CERT1: variants seen among roughly 807,000 people sequenced by gnomAD.
CERT1 encodes ceramide transporter 1.
A neutral mutation model predicts 87.9 loss-of-function variants in CERT1; 31 were observed. The observed-to-expected ratio is 0.35, with a 90% CI of 0.27 to 0.48. The LOEUF is 0.48. CERT1 is among the 20% of genes least tolerant of loss of function. The probability of loss-of-function intolerance (pLI) is 0.99; values close to 1 mark genes in which losing one functional copy is unlikely to be tolerated. For synonymous variants in CERT1, 289 were observed against 250.9 expected (o/e 1.15, Z -1.44); for missense variants, 487 against 758.0 (o/e 0.64, Z 4.20).
At chr5:75,438,653 A>G (rs564741255) in intron 3 of CERT1, among the ~76,000 whole-genome samples, 7 of 152,292 alleles carry the variant, frequency 4.6e-5, no homozygotes, top group Non-Finnish European at 7.4e-5. Context: ...AAAATTAATA[A>G]TCTGGAATTC....
At chr5:75,486,686 T>C (rs558003839) in intron 2 of CERT1, among the ~76,000 whole-genome samples, 12 of 152,172 alleles carry the variant, frequency 7.9e-5, no homozygotes, top group African/African-American at 2.6e-4. Flanking sequence ...AGCATGTCTA[T>C]ATGCCAATAA....
intron 2 of CERT1, among the ~76,000 whole-genome samples, chr5:75,471,198 T>C (rs1580817486): frequency 1.3e-5 from 2 of 152,286 alleles, no homozygotes; most frequent in African/African-American, 2.4e-5. Flanking sequence ...TTTGGTGATT[T>C]CGTCAGCTAT....
At chr5:75,381,734 G>A (rs1371173786) in intron 15 of CERT1, among the ~76,000 whole-genome samples, 2 of 151,960 alleles carry the variant, frequency 1.3e-5, no homozygotes, top group Non-Finnish European at 1.5e-5. Context: ...ACATTAGAAG[G>A]AAAGGTAAAC....
At chr5:75,392,649 C>G (rs1762072496) in intron 11 of CERT1, among the ~76,000 whole-genome samples, 1 of 152,090 alleles carries the variant, frequency 6.6e-6, no homozygotes, top group Non-Finnish European at 1.5e-5. Flanking sequence ...GCTCACTTTA[C>G]TGTTCAGTTA....
chr5:75,472,085 G>A (rs1416095214), intron 2 of CERT1, among the ~76,000 whole-genome samples: 1 of 152,124 alleles, frequency 6.6e-6, no homozygotes, highest in Admixed American at 6.5e-5. Flanking sequence ...TAGACACACA[G>A]ACCATTGTAA....
At chr5:75,511,942 T>TC, upstream of CERT1, 1 of 945,828 alleles carries the variant, frequency 1.1e-6, no homozygotes, top group African/African-American at 1.7e-5. Flanking sequence ...GGATCGCTTG[T>TC]CCCCTTGGGG....
intron 2 of CERT1, among the ~76,000 whole-genome samples, chr5:75,486,206 A>C (rs865916993): frequency 7.2e-5 from 11 of 152,178 alleles, no homozygotes; most frequent in African/African-American, 2.4e-4. Flanking sequence ...AACATACGCA[A>C]ATCTACGTGG....
At position 75,506,129 on chromosome 5, in the gene CERT1, AG is replaced by A; in HGVS notation, c.97-14del. On this transcript the variant is annotated splice_polypyrimidine_tract_variant and intron_variant, in intron 1 of 16. Transcript: ENST00000643780. ...TGTAGTTTGTCCACTGGGAGTGGGA[AG>A]GGGAAGGGAAGAGAGAAGAAAACAA... is the stretch of plus-strand genomic sequence containing the variant. The A allele has an allele frequency of 6.2e-7, 1 of 1,611,390 alleles. No homozygotes were observed. Among genetic ancestry groups the A allele is most frequent in the Non-Finnish European group, 8.5e-7 (1 of 1,178,374 alleles).
chr5:75,501,904 T>G (rs901801029), intron 2 of CERT1, among the ~76,000 whole-genome samples: 3 of 152,150 alleles, frequency 2.0e-5, no homozygotes, highest in Admixed American at 6.5e-5. Context: ...TATAGAGAGA[T>G]AGTCTTTGAG....
intron 16 of CERT1, 115 bp from the exon 17 acceptor site, chr5:75,379,588 C>CT (rs923151663): frequency 0.021 from 17,389 of 825,644 alleles, 3 homozygotes; most frequent in South Asian, 0.025. Flanking sequence ...CAATTAGCAT[C>CT]TTTTTTTTTT....
intron 2 of CERT1, among the ~76,000 whole-genome samples, chr5:75,496,012 G>C (rs1767047296): frequency 1.3e-5 from 2 of 151,988 alleles, no homozygotes. Flanking sequence ...CTTAACTGTA[G>C]ATAAATTTTT....
intron 2 of CERT1, among the ~76,000 whole-genome samples, chr5:75,496,384 T>G (rs915806927): frequency 2.6e-5 from 4 of 151,882 alleles, no homozygotes; most frequent in Non-Finnish European, 5.9e-5. Flanking sequence ...GATGGTAAAC[T>G]GGTACCGCCA....
At chr5:75,382,171 T>G in intron 14 of CERT1, 94 bp from the exon 15 acceptor site, 1 of 1,186,828 alleles carries the variant, frequency 8.4e-7, no homozygotes, top group Admixed American at 2.6e-5. Flanking sequence ...GAAGGTAAAA[T>G]CTCTCAAATT....
chr5:75,426,293 C>T lies in CERT1; in HGVS notation c.456+78G>A, dbSNP rs1763613759. 3.3e-6 allele frequency: 3 copies of T among 909,714 alleles called. 1 individual carries two copies. Among genetic ancestry groups the T allele is most frequent in the South Asian group, 3.8e-5 (2 of 52,448 alleles). 56.4% of individuals were successfully genotyped at this position (909,714 alleles called of 1,614,324 possible). A position where few individuals can be genotyped will look rare whatever the true frequency, so the allele number is the denominator to read the frequency against. ...TAAAAAAGTTTGTTCAAAAAATTAT[C>T]ACATATGTTCTGTTCACAACATCCA... On this transcript the variant is annotated intron_variant, in intron 4 of 16. Coordinates refer to ENST00000643780, the MANE Select transcript of CERT1 (RefSeq NM_001379029.1).
At chr5:75,460,714 G>T (rs1481074054) in intron 2 of CERT1, among the ~76,000 whole-genome samples, 2 of 152,138 alleles carry the variant, frequency 1.3e-5, no homozygotes, top group East Asian at 3.9e-4. Context: ...TCCTCCCAGG[G>T]TTTATTGTTT....
At chr5:75,373,871 CA>C, downstream of CERT1, 1 of 386,772 alleles carries the variant, frequency 2.6e-6, no homozygotes, top group Non-Finnish European at 4.6e-6. Context: ...AAAAAGTATC[CA>C]AAAATTAAAG....
chr5:75,423,024 A>C (rs1397721679), intron 5 of CERT1, among the ~76,000 whole-genome samples: 1 of 152,236 alleles, frequency 6.6e-6, no homozygotes, highest in African/African-American at 2.4e-5. Context: ...TCTGTTGTTT[A>C]AGCCACCCAG....
At chr5:75,510,730 A>G (rs1451080837) in intron 1 of CERT1, among the ~76,000 whole-genome samples, 1 of 152,122 alleles carries the variant, frequency 6.6e-6, no homozygotes, top group Non-Finnish European at 1.5e-5. Flanking sequence ...TGGCATCCTC[A>G]GAGAGACCAA....
chr5:75,502,450 G>A (rs1043140811), intron 2 of CERT1, among the ~76,000 whole-genome samples: 2 of 152,074 alleles, frequency 1.3e-5, no homozygotes, highest in African/African-American at 4.8e-5. Flanking sequence ...TAAAAATTAG[G>A]CATGATTTAA....
Sources: allele counts gnomAD v4.1 joint callset (sites outside exome capture counted in the v4.1 genomes callset), GRCh38; gene constraint gnomAD v4.1.1; transcripts MANE v1.5; gene names NCBI Gene and HGNC (gene_info 2026-07-23, HGNC 2026-07-21).